Variants in SP1 observed in about 807,000 individuals in gnomAD.
The protein encoded by SP1 is Sp1 transcription factor, also known as transcription factor Sp1.
A neutral mutation model predicts 66.3 loss-of-function variants in SP1; 6 were observed. The observed-to-expected ratio is 0.09, with a 90% CI of 0.05 to 0.18. The LOEUF is 0.18. Ranked by LOEUF, SP1 falls within the 10% of genes least tolerant of loss-of-function variation. The probability of loss-of-function intolerance (pLI) is 1.00; values close to 1 mark genes in which losing one functional copy is unlikely to be tolerated. For synonymous variants in SP1, 417 were observed against 360.8 expected, an observed-to-expected ratio of 1.16 and a Z score of -1.77; for missense variants, 848 against 964.5, an observed-to-expected ratio of 0.88 and a Z score of 1.60.
rs1287939859 is a variant in SP1, at chr12:53,412,400, A to G, written c.*1160A>G. ...TGGACTTTGGTACTGCTGTCTTCCAAGGTAGCTCTAAGTTTTGATGTGTGG... is the reference window on the plus strand; with the variant it reads ...TGGACTTTGGTACTGCTGTCTTCCAGGGTAGCTCTAAGTTTTGATGTGTGG... On this transcript the variant is annotated 3_prime_UTR_variant, in exon 6 of 6. Transcript: ENST00000327443. 1 of 152,594 alleles carries G rather than the reference A, an allele frequency of 6.6e-6. No individual in the cohort carries two copies. The highest frequency in any genetic ancestry group is 2.4e-5 in the African/African-American group (1 of 41,428). 9.5% of individuals were successfully genotyped at this position (152,594 alleles called of 1,614,324 possible).
In SP1 at chr12:53,409,289, A is replaced by G; in HGVS notation, c.1845-73A>G. The G allele has an allele frequency of 2.4e-6, 3 of 1,249,262 alleles. No homozygotes were observed. The South Asian group carries it at 4.0e-5, about 17-fold the overall frequency. 77.4% of individuals were successfully genotyped at this position (1,249,262 alleles called of 1,614,324 possible). A position where few individuals can be genotyped will look rare whatever the true frequency, so the allele number is the denominator to read the frequency against. On this transcript the variant is annotated intron_variant, in intron 4 of 5. Transcript: ENST00000327443. ...GGGTTAGTTTGGTGTCGATTGGGTGATTGCTGTTGATACTTTGTGGTTCTT... is the reference window on the plus strand; with the variant it reads ...GGGTTAGTTTGGTGTCGATTGGGTGGTTGCTGTTGATACTTTGTGGTTCTT...
rs1200626315 is a variant in SP1, at chr12:53,411,241, G to T, written c.*1G>T. On this transcript the variant is annotated 3_prime_UTR_variant, in exon 6 of 6. Coordinates refer to ENST00000327443, the MANE Select transcript of SP1 (RefSeq NM_138473.3). ...TAATATCAGTGGCAATGGCTTCTGAGATCAGGCACCCGGGGCCAGAGACAT... is the reference window on the plus strand; with the variant it reads ...TAATATCAGTGGCAATGGCTTCTGATATCAGGCACCCGGGGCCAGAGACAT... The T allele has an allele frequency of 3.7e-6, 6 of 1,607,108 alleles. No homozygotes were observed. The highest frequency in any genetic ancestry group is 1.1e-5 in the South Asian group (1 of 90,498).
At chr12:53,410,189 C>T (rs1003055536) in intron 5 of SP1, among the ~76,000 whole-genome samples, 145 of 151,828 alleles carry the variant, frequency 9.6e-4, no homozygotes, top group African/African-American at 3.5e-3. Context: ...CCTGTAATCC[C>T]AGCTACTCAG....
rs537874302 is a variant in SP1, at chr12:53,415,711, C to T, written c.*4471C>T. The T allele has an allele frequency of 1.3e-5, 2 of 152,294 alleles. No individual in the cohort carries two copies. Among genetic ancestry groups the T allele is most frequent in the African/African-American group, 4.8e-5 (2 of 41,378 alleles). 9.4% of individuals were successfully genotyped at this position (152,294 alleles called of 1,614,324 possible). On this transcript the variant is annotated 3_prime_UTR_variant, in exon 6 of 6. Coordinates refer to ENST00000327443, the MANE Select transcript of SP1 (RefSeq NM_138473.3). ...CAAGTAGTGAGGATTTTGTTGATAC[C>T]TCTGCTGGGATGTGTGCTTTCCCAT... is the stretch of plus-strand genomic sequence containing the variant.
Position 53,393,033 on chromosome 12 carries a change from T to A in SP1, c.1675+9411T>A, listed in dbSNP as rs906790874. Among the ~76,000 whole-genome samples, 10 of 150,316 alleles carry A rather than the reference T, an allele frequency of 6.7e-5. No individual in the cohort carries two copies. In the East Asian group the frequency reaches 2.0e-3, roughly 31 times the overall value. ...TACAGATGGGGTTTCACCATGTTGGTCACCAGGTCTTGAACTCCTGACCTC... is the reference window on the plus strand; with the variant it reads ...TACAGATGGGGTTTCACCATGTTGGACACCAGGTCTTGAACTCCTGACCTC... On this transcript the variant is annotated intron_variant, in intron 3 of 5. Transcript: ENST00000327443.
intron 1 of SP1, 44 bp downstream of exon 1, chr12:53,380,342 A>AG (rs1216998773): frequency 5.8e-6 from 8 of 1,388,558 alleles, no homozygotes; most frequent in Admixed American, 4.7e-5. Context: ...GAGGCGAGTG[A>AG]GGGGGCGCGC....
chr12:53,397,908 C>T (rs1278919069), intron 3 of SP1, among the ~76,000 whole-genome samples: 1 of 152,142 alleles, frequency 6.6e-6, no homozygotes, highest in Non-Finnish European at 1.5e-5. Context: ...ATTACAAATA[C>T]TAGTAAAGCC....
At chr12:53,392,974 C>T (rs1048570024) in intron 3 of SP1, among the ~76,000 whole-genome samples, 5 of 151,284 alleles carry the variant, frequency 3.3e-5, no homozygotes, top group Non-Finnish European at 5.9e-5. Context: ...ACAGGTGGCC[C>T]GCCACCATGC....
chr12:53,399,125 T>C (rs1177607642), intron 3 of SP1, among the ~76,000 whole-genome samples: 1 of 152,230 alleles, frequency 6.6e-6, no homozygotes, highest in East Asian at 1.9e-4. Flanking sequence ...CATAGGGTAT[T>C]TGTATTAGAA....
In SP1 at chr12:53,383,378, A is replaced by C; in HGVS notation, c.1431A>C (p.Pro477=). The C allele has an allele frequency of 1.2e-6, 2 of 1,614,186 alleles. No homozygotes were observed. The highest frequency in any genetic ancestry group is 1.7e-6 in the Non-Finnish European group (2 of 1,180,024). The change falls in exon 3 of 6, where the codon CCA becomes CCC. Residue 477 remains proline (P), a synonymous_variant. Transcript: ENST00000327443. The part of the protein sequence containing the change: ...LQLQNLQVQN[P]QAQTITLAPM... Reference sequence around the variant, plus strand: ...TGCAGAACCTCCAAGTTCAGAACCCACAAGCCCAAACAATCACCTTAGCCC... The same window carrying C: ...TGCAGAACCTCCAAGTTCAGAACCCCCAAGCCCAAACAATCACCTTAGCCC...
intron 4 of SP1, among the ~76,000 whole-genome samples, chr12:53,408,893 G>A (rs1316768061): frequency 2.0e-5 from 3 of 150,900 alleles, no homozygotes; most frequent in East Asian, 2.0e-4. Flanking sequence ...GCGACAGAGC[G>A]AGACTCCGTC....
chr12:53,392,279 C>T (rs936982193), intron 3 of SP1, among the ~76,000 whole-genome samples: 4 of 150,634 alleles, frequency 2.7e-5, no homozygotes, highest in African/African-American at 9.8e-5. Flanking sequence ...CTCCCAAGTT[C>T]AAGTGATTCT....
At chr12:53,410,197 C>T (rs1469749626) in intron 5 of SP1, among the ~76,000 whole-genome samples, 2 of 151,682 alleles carry the variant, frequency 1.3e-5, no homozygotes, top group African/African-American at 4.8e-5. Flanking sequence ...CCCAGCTACT[C>T]AGGAGGCTGA....
chr12:53,399,624 C>A (rs981167239), intron 3 of SP1, among the ~76,000 whole-genome samples: 3 of 146,630 alleles, frequency 2.0e-5, no homozygotes, highest in African/African-American at 7.6e-5. Flanking sequence ...AGCCACCGCG[C>A]CCTGCCTTAT....
Position 53,411,471 on chromosome 12 carries a change from G to T in SP1, c.*231G>T. ...TTAGTGAAAATTCTGTTGGTGCCAC[G>T]CTTTGATGAGCATTTGTTTGACCCC... On this transcript the variant is annotated 3_prime_UTR_variant, in exon 6 of 6. Coordinates refer to ENST00000327443, the MANE Select transcript of SP1 (RefSeq NM_138473.3). 2.2e-6 allele frequency: 1 copy of T among 455,838 alleles called. No homozygotes were observed. Among genetic ancestry groups the T allele is most frequent in the Non-Finnish European group, 3.9e-6 (1 of 258,250 alleles). 28.2% of individuals were successfully genotyped at this position (455,838 alleles called of 1,614,324 possible). A position where few individuals can be genotyped will look rare whatever the true frequency, so the allele number is the denominator to read the frequency against.
chr12:53,393,092 G>T (rs1222925397), intron 3 of SP1, among the ~76,000 whole-genome samples: 1 of 151,922 alleles, frequency 6.6e-6, no homozygotes, highest in Non-Finnish European at 1.5e-5. Context: ...CAAGTGCTGG[G>T]ATTACAGGCA....
chr12:53,410,211 A>G (rs1400306387), intron 5 of SP1, among the ~76,000 whole-genome samples: 2 of 151,766 alleles, frequency 1.3e-5, no homozygotes, highest in East Asian at 3.9e-4. Flanking sequence ...AGGCTGAGGC[A>G]GGAGAATTGC....
In SP1 at chr12:53,381,713, TTGGTGGCAATAA is replaced by T. The variant is rs763240733; in HGVS notation, c.66_77del (p.Asn25_Asn28del). 2.5e-5 allele frequency: 40 copies of T among 1,613,530 alleles called. No individual in the cohort carries two copies. The highest frequency in any genetic ancestry group is 3.3e-5 in the Non-Finnish European group (39 of 1,179,844). On this transcript the variant is annotated inframe_deletion, in exon 2 of 6. Coordinates refer to ENST00000327443, the MANE Select transcript of SP1 (RefSeq NM_138473.3). Reference sequence around the variant, plus strand: ...GCTGTGGTGAAAATTGAAAAAGGAGTTGGTGGCAATAATGGGGGCAATGGTAATGGTGGTGGT... The same window carrying T: ...GCTGTGGTGAAAATTGAAAAAGGAGTTGGGGGCAATGGTAATGGTGGTGGT...
At chr12:53,403,120 C>T (rs1421541531) in intron 3 of SP1, among the ~76,000 whole-genome samples, 3 of 151,616 alleles carry the variant, frequency 2.0e-5, no homozygotes, top group African/African-American at 7.3e-5. Flanking sequence ...ACTCCCACTC[C>T]GTCTCAAGAA....
Sources: allele counts gnomAD v4.1 joint callset (sites outside exome capture counted in the v4.1 genomes callset), GRCh38; gene constraint gnomAD v4.1.1; transcripts MANE v1.5; gene names NCBI Gene and HGNC (gene_info 2026-07-23, HGNC 2026-07-21).